The following HECW2 variants were observed in gnomAD, a reference collection of about 807,000 sequenced individuals.
HECW2 encodes E3 ubiquitin-protein ligase HECW2.
HECW2 carries 61 observed loss-of-function variants against 175.2 expected under a neutral mutation model. The observed-to-expected ratio is 0.35, with a 90% CI of 0.28 to 0.43. The LOEUF (loss-of-function observed/expected upper bound fraction) is 0.43, where lower values mean the gene tolerates loss of function less well. HECW2 is among the 20% of genes least tolerant of loss of function. HECW2 has a pLI of 1.00. For missense variants in HECW2, 1,524 were observed against 2,000.5 expected, an observed-to-expected ratio of 0.76 and a Z score of 4.54; for synonymous variants, 671 against 731.0, an observed-to-expected ratio of 0.92 and a Z score of 1.32.
chr2:196,294,918 A>G (rs1296440841), intron 13 of HECW2, among the ~76,000 whole-genome samples: 1 of 152,200 alleles, frequency 6.6e-6, no homozygotes, highest in Non-Finnish European at 1.5e-5. Flanking sequence ...TTTGTTGGTC[A>G]TTATTATTGA....
chr2:196,430,188 A>T (rs1695667656), intron 2 of HECW2, among the ~76,000 whole-genome samples: 2 of 152,222 alleles, frequency 1.3e-5, no homozygotes, highest in African/African-American at 4.8e-5. Context: ...CGGAGGATGA[A>T]TTCCATCAAG....
At chr2:196,493,222 T>G (rs1687265423) in intron 1 of HECW2, 1 of 152,052 alleles carries the variant, frequency 6.6e-6, no homozygotes. Flanking sequence ...TTTTAAAAAT[T>G]AGCTGAGCAT....
At chr2:196,352,959 C>G (rs1281413271) in intron 2 of HECW2, among the ~76,000 whole-genome samples, 2 of 152,220 alleles carry the variant, frequency 1.3e-5, no homozygotes, top group African/African-American at 2.4e-5. Context: ...CATATAGAAA[C>G]ATGTCTCTCT....
At chr2:196,503,303 G>A (rs537480300) in intron 1 of HECW2, among the ~76,000 whole-genome samples, 1 of 152,188 alleles carries the variant, frequency 6.6e-6, no homozygotes, top group African/African-American at 2.4e-5. Context: ...CAGGGCACGG[G>A]CTCCAGGTGC....
intron 13 of HECW2, among the ~76,000 whole-genome samples, chr2:196,300,320 T>C (rs1464902451): frequency 6.6e-6 from 1 of 152,196 alleles, no homozygotes; most frequent in Non-Finnish European, 1.5e-5. Flanking sequence ...ATAGGAAAAG[T>C]TTACTGCCTT....
At chr2:196,530,296 A>C (rs1688799343) in intron 1 of HECW2, among the ~76,000 whole-genome samples, 1 of 152,214 alleles carries the variant, frequency 6.6e-6, no homozygotes, top group South Asian at 2.1e-4. Flanking sequence ...AATTCTAGGG[A>C]TGCATACAAT....
chr2:196,269,497 A>C (rs912970155), intron 17 of HECW2: 18 of 13,242 alleles, frequency 1.4e-3, no homozygotes, highest in Non-Finnish European at 3.1e-3. Flanking sequence ...CCCTACCTCC[A>C]AAAAAAAAAA....
intron 21 of HECW2, among the ~76,000 whole-genome samples, chr2:196,233,900 A>G (rs1010451728): frequency 6.6e-6 from 1 of 152,174 alleles, no homozygotes; most frequent in Non-Finnish European, 1.5e-5. Flanking sequence ...ATAAGCAGAG[A>G]CTGAAGAAAA....
At chr2:196,322,418 T>A (rs1691983231) in intron 7 of HECW2, 60 bp downstream of exon 7, 7 of 1,449,196 alleles carry the variant, frequency 4.8e-6, no homozygotes, top group Non-Finnish European at 6.6e-6. Flanking sequence ...CCAAGTTTCA[T>A]GTCATTTTTT....
intron 9 of HECW2, 144 bp from the exon 10 acceptor site, chr2:196,317,513 A>G (rs1248756290): frequency 7.7e-6 from 5 of 651,266 alleles, no homozygotes; most frequent in Admixed American, 2.5e-5. Flanking sequence ...CCTAGAAACA[A>G]AAGAAGAGAA....
chr2:196,241,621 AGATG>A (rs752394990), intron 20 of HECW2, among the ~76,000 whole-genome samples: 2 of 152,164 alleles, frequency 1.3e-5, no homozygotes, highest in Non-Finnish European at 2.9e-5. Flanking sequence ...TGAAAGGAGG[AGATG>A]GATGAAGAAA....
intron 3 of HECW2, among the ~76,000 whole-genome samples, chr2:196,337,401 G>C (rs974452400): frequency 9.2e-5 from 14 of 151,408 alleles, no homozygotes; most frequent in African/African-American, 3.4e-4. Context: ...TGATTAGGGA[G>C]GACCCCAGTG....
intron 1 of HECW2, among the ~76,000 whole-genome samples, chr2:196,580,794 T>C (rs1294867336): frequency 6.6e-6 from 1 of 152,154 alleles, no homozygotes; most frequent in Non-Finnish European, 1.5e-5. Flanking sequence ...ATTTTACTCC[T>C]ATATATATGC....
intron 15 of HECW2, among the ~76,000 whole-genome samples, chr2:196,274,665 T>G (rs1222695698): frequency 1.3e-5 from 2 of 152,192 alleles, no homozygotes; most frequent in African/African-American, 4.8e-5. Context: ...CCATGCCTAT[T>G]AGAACACCTG....
Position 196,196,948 on chromosome 2 carries a change from G to T in HECW2, c.*4329C>A, listed in dbSNP as rs1489366696. 6.6e-6 allele frequency: 1 copy of T among 152,130 alleles called. No individual in the cohort carries two copies. Among genetic ancestry groups the T allele is most frequent in the Non-Finnish European group, 1.5e-5 (1 of 68,126 alleles). The allele number at this position is 152,130 out of a possible 1,614,324, so 9.4% of individuals were successfully genotyped here. On this transcript the variant is annotated 3_prime_UTR_variant, in exon 29 of 29. Transcript: ENST00000644978. Reference sequence around the variant, plus strand: ...AAAATACAAAAATTAGCCAGGTGTGGTGGTATGCGCCTGTAGTCCCAGTTA... The same window carrying T: ...AAAATACAAAAATTAGCCAGGTGTGTTGGTATGCGCCTGTAGTCCCAGTTA...
intron 19 of HECW2, among the ~76,000 whole-genome samples, chr2:196,250,244 T>C (rs1486750277): frequency 2.6e-5 from 4 of 152,228 alleles, no homozygotes; most frequent in East Asian, 1.9e-4. Flanking sequence ...AACCCCAGCA[T>C]AGGCTCTTAC....
Position 196,329,618 on chromosome 2 carries a change from T to A in HECW2, c.528A>T (p.Ser176=). Residue 176 remains serine, a synonymous_variant, in exon 5 of 29, where the codon TCA becomes TCT. Coordinates refer to ENST00000644978, the MANE Select transcript of HECW2 (RefSeq NM_001348768.2). Reference sequence around the variant, plus strand: ...CAAGTTTTCGAGAATGCAGGTTTCCTGAAGCACCTCCCTCCATGCCTTCTG... The same window carrying A: ...CAAGTTTTCGAGAATGCAGGTTTCCAGAAGCACCTCCCTCCATGCCTTCTG... ...MGAEGMEGGA[S]GNLHSRKLVS... 1 of 1,613,714 alleles carries A rather than the reference T, an allele frequency of 6.2e-7. No individual in the cohort carries two copies. Among genetic ancestry groups the A allele is most frequent in the Non-Finnish European group, 8.5e-7 (1 of 1,179,658 alleles).
intron 28 of HECW2, among the ~76,000 whole-genome samples, chr2:196,207,013 G>A (rs1366139263): frequency 1.3e-5 from 2 of 152,202 alleles, no homozygotes; most frequent in East Asian, 3.8e-4. Flanking sequence ...CAAGGAGAAG[G>A]ATGTTCCCAG....
intron 21 of HECW2, chr2:196,239,850 C>G (rs1048485519): frequency 6.6e-6 from 1 of 152,202 alleles, no homozygotes; most frequent in Non-Finnish European, 1.5e-5. Context: ...CTTATCTTGA[C>G]GAGCACACTC....
Sources: gnomAD v4.1 joint callset for allele counts (sites outside exome capture counted in the v4.1 genomes callset) on GRCh38, gnomAD v4.1.1 for gene constraint, MANE v1.5 for transcripts, NCBI Gene and HGNC (gene_info 2026-07-23, HGNC 2026-07-21) for gene names.